ARHGAP20: variants seen among roughly 807,000 people sequenced by gnomAD.
The protein encoded by ARHGAP20 is rho GTPase-activating protein 20.
A neutral mutation model predicts 73.7 loss-of-function variants in ARHGAP20; 34 were observed. The observed-to-expected ratio is 0.46, with a 90% CI of 0.35 to 0.61. ARHGAP20 has a LOEUF of 0.61. ARHGAP20 is among the 20% of genes least tolerant of loss of function. ARHGAP20 has a pLI of 0.00. For missense variants in ARHGAP20, 1,314 were observed against 1,420.9 expected, an observed-to-expected ratio of 0.92 and a Z score of 1.21; for synonymous variants, 523 against 518.2, an observed-to-expected ratio of 1.01 and a Z score of -0.13.
At chr11:110,664,614 G>C (rs1309179338) in intron 2 of ARHGAP20, among the ~76,000 whole-genome samples, 1 of 150,950 alleles carries the variant, frequency 6.6e-6, no homozygotes, top group Non-Finnish European at 1.5e-5. Context: ...TGTAGTCCCA[G>C]CTACTTGGGA....
At chr11:110,597,549 C>T (rs1222489286) in intron 9 of ARHGAP20, among the ~76,000 whole-genome samples, 3 of 152,098 alleles carry the variant, frequency 2.0e-5, no homozygotes, top group Non-Finnish European at 4.4e-5. Flanking sequence ...GTCCCTGCCT[C>T]GGCCTCCCAA....
chr11:110,644,189 T>G (rs532920795), intron 2 of ARHGAP20, among the ~76,000 whole-genome samples: 1 of 152,254 alleles, frequency 6.6e-6, no homozygotes, highest in Non-Finnish European at 1.5e-5. Context: ...TCCATGCTCA[T>G]GAATTGGAAG....
chr11:110,631,487 T>C (rs911948460), intron 2 of ARHGAP20, among the ~76,000 whole-genome samples: 2 of 152,270 alleles, frequency 1.3e-5, no homozygotes, highest in East Asian at 1.9e-4. Flanking sequence ...ATTTTAAAAA[T>C]AGCCCAATCA....
intron 2 of ARHGAP20, among the ~76,000 whole-genome samples, chr11:110,635,043 C>T (rs141415649): frequency 6.6e-6 from 1 of 152,026 alleles, no homozygotes; most frequent in Admixed American, 6.6e-5. Context: ...TGACTTGTCA[C>T]CTCAATTATC....
At chr11:110,630,092 C>A (rs1054321721) in intron 3 of ARHGAP20, among the ~76,000 whole-genome samples, 4 of 152,174 alleles carry the variant, frequency 2.6e-5, no homozygotes, top group African/African-American at 4.8e-5. Context: ...GTTACACAGG[C>A]CTTCTTTTAA....
intron 2 of ARHGAP20, among the ~76,000 whole-genome samples, chr11:110,667,017 T>C (rs1434509380): frequency 6.6e-6 from 1 of 152,218 alleles, no homozygotes; most frequent in African/African-American, 2.4e-5. Context: ...AGAGGTTGGT[T>C]CATGAGATTT....
intron 2 of ARHGAP20, among the ~76,000 whole-genome samples, chr11:110,665,920 C>T (rs1051646683): frequency 6.6e-6 from 1 of 151,886 alleles, no homozygotes; most frequent in African/African-American, 2.4e-5. Context: ...TAATGAATCT[C>T]GAGAAATGCT....
At chr11:110,589,154 A>G (rs1947754544) in intron 11 of ARHGAP20, among the ~76,000 whole-genome samples, 2 of 152,210 alleles carry the variant, frequency 1.3e-5, no homozygotes, top group Admixed American at 6.5e-5. Context: ...TATCATGCAT[A>G]AAAAACCTTG....
chr11:110,632,696 G>A (rs1432386072), intron 2 of ARHGAP20, among the ~76,000 whole-genome samples: 1 of 152,118 alleles, frequency 6.6e-6, no homozygotes, highest in Non-Finnish European at 1.5e-5. Flanking sequence ...GAGCCACCAT[G>A]CCCAGCCTTT....
At chr11:110,582,028 A>C (rs1332389083) in intron 14 of ARHGAP20, among the ~76,000 whole-genome samples, 1 of 152,072 alleles carries the variant, frequency 6.6e-6, no homozygotes, top group Admixed American at 6.5e-5. Flanking sequence ...AGGGTTATTC[A>C]TAAAGTTAAA....
intron 2 of ARHGAP20, among the ~76,000 whole-genome samples, chr11:110,644,246 T>G (rs1356039886): frequency 6.6e-6 from 1 of 152,138 alleles, no homozygotes; most frequent in Non-Finnish European, 1.5e-5. Context: ...AATCTGCAGA[T>G]TCAATGCAAT....
intron 1 of ARHGAP20, among the ~76,000 whole-genome samples, chr11:110,709,897 G>C (rs1212332093): frequency 6.6e-6 from 1 of 152,188 alleles, no homozygotes; most frequent in Non-Finnish European, 1.5e-5. Context: ...GATCAAAGAA[G>C]GGCAAGAAAG....
rs2134764340 is a variant in ARHGAP20, at chr11:110,578,000, T to C, written c.*1370A>G. On this transcript the variant is annotated 3_prime_UTR_variant, in exon 15 of 15. Transcript: ENST00000683387. Reference sequence around the variant, plus strand: ...AACTAAAGAGTTTAAATAAATGGGCTCAGAGCAACTTCTTATAGGTTAGTA... The same window carrying C: ...AACTAAAGAGTTTAAATAAATGGGCCCAGAGCAACTTCTTATAGGTTAGTA... The C allele has an allele frequency of 3.0e-6, 3 of 985,388 alleles. No homozygotes were observed. Among genetic ancestry groups the C allele is most frequent in the Non-Finnish European group, 3.6e-6 (3 of 829,910 alleles). 61.0% of individuals were successfully genotyped at this position (985,388 alleles called of 1,614,324 possible).
chr11:110,675,374 T>C (rs1196853614), intron 2 of ARHGAP20, among the ~76,000 whole-genome samples: 3 of 152,206 alleles, frequency 2.0e-5, no homozygotes, highest in Non-Finnish European at 4.4e-5. Flanking sequence ...AGCTCTAACT[T>C]AAATTCTCAT....
intron 9 of ARHGAP20, among the ~76,000 whole-genome samples, chr11:110,600,229 A>C (rs1156654424): frequency 6.6e-6 from 1 of 152,242 alleles, no homozygotes; most frequent in Admixed American, 6.5e-5. Flanking sequence ...AGAAGGAGAT[A>C]AGAGCTGCAG....
At chr11:110,590,903 C>A in intron 10 of ARHGAP20, 94 bp from the exon 11 acceptor site, 1 of 1,275,676 alleles carries the variant, frequency 7.8e-7, no homozygotes. Flanking sequence ...GGCTAGGGTG[C>A]GCTAGGGTAA....
At position 110,597,940 on chromosome 11, in the gene ARHGAP20, A is replaced by G. The variant is rs898160210; in HGVS notation, c.965-5785T>C. 7.9e-5 allele frequency among the ~76,000 whole-genome samples: 12 copies of G among 152,358 alleles called. No homozygotes were observed. In the South Asian group the frequency reaches 8.3e-4, roughly 11 times the overall value. ...GCTAATGAAAAAACATGCTATTGCT[A>G]TAAGAAATGAGGGATGTAAATGTAA... is the stretch of plus-strand genomic sequence containing the variant. On this transcript the variant is annotated intron_variant, in intron 9 of 14. Transcript: ENST00000683387.
At chr11:110,665,002 TCAAA>T (rs1032756340) in intron 2 of ARHGAP20, among the ~76,000 whole-genome samples, 10 of 152,160 alleles carry the variant, frequency 6.6e-5, no homozygotes, top group East Asian at 1.9e-4. Flanking sequence ...TCTGCAGAAA[TCAAA>T]CAGAGTATGT....
At chr11:110,612,371 T>C (rs1319707145) in intron 6 of ARHGAP20, among the ~76,000 whole-genome samples, 1 of 151,056 alleles carries the variant, frequency 6.6e-6, no homozygotes, top group African/African-American at 2.4e-5. Context: ...GAGCTTGCAG[T>C]GAGCCGAGAT....
Sources: gnomAD v4.1 joint callset for allele counts (sites outside exome capture counted in the v4.1 genomes callset) on GRCh38, gnomAD v4.1.1 for gene constraint, MANE v1.5 for transcripts, NCBI Gene and HGNC (gene_info 2026-07-23, HGNC 2026-07-21) for gene names.